The following FBN1 variants were observed in gnomAD, a reference collection of about 807,000 sequenced individuals.
FBN1 encodes fibrillin-1.
Under a neutral mutation model 365.1 loss-of-function variants are expected in FBN1, and 29 were observed. That is an observed-to-expected ratio of 0.08 (90% CI 0.06 to 0.11). The LOEUF (loss-of-function observed/expected upper bound fraction) is 0.11. Among genes scored for constraint, FBN1 ranks in the 10% least tolerant of loss-of-function variants. FBN1 has a pLI of 1.00. For missense variants in FBN1, 2,476 were observed against 3,703.2 expected, an observed-to-expected ratio of 0.67 and a Z score of 8.60; for synonymous variants, 1,210 against 1,270.5, an observed-to-expected ratio of 0.95 and a Z score of 1.01.
intron 54 of FBN1, among the ~76,000 whole-genome samples, chr15:48,433,582 G>T (rs1008941676): frequency 3.9e-5 from 6 of 152,152 alleles, no homozygotes; most frequent in Non-Finnish European, 8.8e-5. Context: ...AAATAGATGG[G>T]AATGAGTTTA....
rs2044024474 is a variant in FBN1 at position 48,537,626 on chromosome 15, T to A, written c.721A>T (p.Thr241Ser). 2 of 1,614,168 alleles carry A rather than the reference T, an allele frequency of 1.2e-6. No individual in the cohort carries two copies. Among genetic ancestry groups the A allele is most frequent in the East Asian group, 4.5e-5 (2 of 44,886 alleles). Residue 241 changes from threonine (T) to serine (S), a missense_variant, in exon 7 of 66, where the codon ACG (threonine) becomes TCG (serine). Thr to Ser is a moderately conservative substitution (Grantham distance 58). Around this residue, in one of 5 missense-constraint regions of FBN1, gnomAD observed 421 missense variants for 520.1 expected, o/e 0.81. Coordinates refer to ENST00000316623, the MANE Select transcript of FBN1 (RefSeq NM_000138.5). ...CRRGFIPNIR[T>S]GACQDVDECQ... Reference sequence around the variant, plus strand: ...CCGGGTTTACCTTGACAAGCTCCCGTGCGGATATTTGGAATGAAGCCACGG... The same window carrying A: ...CCGGGTTTACCTTGACAAGCTCCCGAGCGGATATTTGGAATGAAGCCACGG...
At chr15:48,553,892 T>C (rs1028662677) in intron 6 of FBN1, among the ~76,000 whole-genome samples, 4 of 152,152 alleles carry the variant, frequency 2.6e-5, no homozygotes, top group African/African-American at 9.7e-5. Flanking sequence ...AAAAAGAAAA[T>C]GAGCATTTAT....
At chr15:48,418,098 G>A (rs1406572325) in intron 63 of FBN1, among the ~76,000 whole-genome samples, 2 of 152,228 alleles carry the variant, frequency 1.3e-5, no homozygotes, top group Admixed American at 6.5e-5. Flanking sequence ...TGAGAAATTA[G>A]AGGGAGGAGA....
At chr15:48,634,720 CAG>C (rs1464191093) in intron 2 of FBN1, among the ~76,000 whole-genome samples, 1 of 150,780 alleles carries the variant, frequency 6.6e-6, no homozygotes, top group East Asian at 1.9e-4. Context: ...ATTTGCAGCA[CAG>C]CTTATGAAAT....
At chr15:48,642,227 A>G (rs957645218) in intron 2 of FBN1, 3 of 152,440 alleles carry the variant, frequency 2.0e-5, no homozygotes, top group African/African-American at 7.2e-5. Context: ...AAAATACAAA[A>G]AATTAGCCGG....
intron 17 of FBN1, among the ~76,000 whole-genome samples, chr15:48,500,242 A>C (rs967421755): frequency 6.6e-6 from 1 of 151,706 alleles, no homozygotes. Context: ...GAAAACCAAA[A>C]TCATACCAGT....
intron 24 of FBN1, among the ~76,000 whole-genome samples, chr15:48,491,801 T>C (rs920421854): frequency 6.6e-6 from 1 of 152,156 alleles, no homozygotes; most frequent in Non-Finnish European, 1.5e-5. Flanking sequence ...GCAGAAGCCA[T>C]AGTAGTAACA....
intron 25 of FBN1, 75 bp from the exon 26 acceptor site, chr15:48,488,568 T>C (rs2043530120): frequency 6.4e-7 from 1 of 1,552,776 alleles, no homozygotes; most frequent in Non-Finnish European, 8.8e-7. Context: ...CCCACCATTT[T>C]AAATCATGAA....
intron 6 of FBN1, among the ~76,000 whole-genome samples, chr15:48,569,937 T>C (rs1037665187): frequency 6.6e-6 from 1 of 152,120 alleles, no homozygotes; most frequent in Admixed American, 6.6e-5. Context: ...ACACTTAAGA[T>C]GGGTGAATTT....
rs773970111 is a variant in FBN1 at position 48,430,660 on chromosome 15, G to T, written c.6871+11C>A. 2.5e-6 allele frequency: 4 copies of T among 1,613,314 alleles called. No individual in the cohort carries two copies. In the Admixed American group the frequency reaches 6.7e-5, roughly 27 times the overall value. ...ATGCACTCAAAGCTCCTTCCACAGG[G>T]ATCCTCTTACCTACACAGCCTTCTC... On this transcript the variant is annotated intron_variant, in intron 56 of 65. Transcript: ENST00000316623.
At chr15:48,512,596 T>A (rs1001344046) in intron 13 of FBN1, among the ~76,000 whole-genome samples, 5 of 152,320 alleles carry the variant, frequency 3.3e-5, no homozygotes, top group Admixed American at 6.5e-5. Context: ...TGTTCCTATG[T>A]TAGTTTACTA....
chr15:48,496,046 T>C lies in FBN1; in HGVS notation c.2419+54A>G, dbSNP rs570251831. 4.0e-5 allele frequency: 65 copies of C among 1,608,720 alleles called. No homozygotes were observed. The East Asian group carries it at 1.2e-3, about 29-fold the overall frequency. ...CTAATTCAGTCTTATGGTTTTCTAA[T>C]GGCATTCCAAAAGATAGCAAAGTAC... On this transcript the variant is annotated intron_variant, in intron 20 of 65. Transcript: ENST00000316623.
intron 6 of FBN1, among the ~76,000 whole-genome samples, chr15:48,561,631 G>T (rs2044222855): frequency 6.6e-6 from 1 of 152,022 alleles, no homozygotes; most frequent in Non-Finnish European, 1.5e-5. Context: ...ACCTTTTTTA[G>T]ACTTTATCAA....
In FBN1 at chr15:48,430,730, G is replaced by A. The variant is rs1391708183; in HGVS notation, c.6812C>T (p.Thr2271Ile). ...CCCGGGTCCACAGATGCACATATAT[G>A]TGCCAATGAGGTTCTTGCATTCCAT... ...KQMECKNLIG[T>I]YMCICGPGYQ... Residue 2271 changes from threonine to isoleucine, a missense_variant, in exon 56 of 66, where the codon ACA (threonine) becomes ATA (isoleucine). By Grantham distance (89) the Thr-to-Ile change is moderately conservative (BLOSUM62 -1). Around this residue, in one of 5 missense-constraint regions of FBN1, gnomAD observed 1,780 missense variants for 2,840.8 expected, o/e 0.63. Transcript: ENST00000316623. 1.2e-6 allele frequency: 2 copies of A among 1,613,712 alleles called. No homozygotes were observed. The highest frequency in any genetic ancestry group is 1.1e-5 in the South Asian group (1 of 91,074).
At position 48,579,776 on chromosome 15, in the gene FBN1, A is replaced by G. The variant is rs1404201274; in HGVS notation, c.538+16507T>C. On this transcript the variant is annotated intron_variant, in intron 6 of 65. Transcript: ENST00000316623. ...TCCTAAGAAGGGCTCTTAATAATAA[A>G]TCCCTATTTAATCAAACTCATGCAC... 8.5e-5 allele frequency among the ~76,000 whole-genome samples: 13 copies of G among 152,338 alleles called. No homozygotes were observed. The East Asian group carries it at 2.3e-3, about 27-fold the overall frequency.
intron 6 of FBN1, among the ~76,000 whole-genome samples, chr15:48,575,319 ATAT>A (rs2044336440): frequency 6.7e-6 from 1 of 149,864 alleles, no homozygotes; most frequent in South Asian, 2.1e-4. Flanking sequence ...ATGTATTTAC[ATAT>A]GTATGTATGT....
chr15:48,624,808 A>C (rs1214113599), intron 2 of FBN1, among the ~76,000 whole-genome samples: 1 of 152,236 alleles, frequency 6.6e-6, no homozygotes, highest in Non-Finnish European at 1.5e-5. Flanking sequence ...AACACAAAAC[A>C]AGTGGTGAGG....
Position 48,452,643 on chromosome 15 carries a change from C to A in FBN1, c.5464G>T (p.Ala1822Ser), listed in dbSNP as rs777539060. Residue 1822 changes from alanine (A) to serine (S), a missense_variant, in exon 45 of 66, where the codon GCC becomes TCC. By Grantham distance (99) the Ala-to-Ser change is moderately conservative. Coordinates refer to ENST00000316623, the MANE Select transcript of FBN1 (RefSeq NM_000138.5). Reference sequence around the variant, plus strand: ...CTGCCTGCAGTGTTGATGCATTCGGCGTTGCGCTGGCACACTGGGCCGTTC... The same window carrying A: ...CTGCCTGCAGTGTTGATGCATTCGGAGTTGCGCTGGCACACTGGGCCGTTC... ...CQNGPVCQRN[A>S]ECINTAGSYR... 6.2e-7 allele frequency: 1 copy of A among 1,614,142 alleles called. No homozygotes were observed. Among genetic ancestry groups the A allele is most frequent in the Admixed American group, 1.7e-5 (1 of 60,032 alleles).
intron 64 of FBN1, among the ~76,000 whole-genome samples, chr15:48,413,114 C>T (rs916938919): frequency 6.6e-6 from 1 of 152,164 alleles, no homozygotes; most frequent in African/African-American, 2.4e-5. Context: ...ATAAAAATGG[C>T]TTCTTTTTAT....
Sources: allele counts gnomAD v4.1 joint callset (sites outside exome capture counted in the v4.1 genomes callset), GRCh38; gene constraint gnomAD v4.1.1; regional missense constraint gnomAD v4.1.1; transcripts MANE v1.5; gene names NCBI Gene and HGNC (gene_info 2026-07-23, HGNC 2026-07-21).